The following MARCHF1 variants were observed in gnomAD, a reference collection of about 807,000 sequenced individuals.
MARCHF1 encodes membrane associated ring-CH-type finger 1, also known as E3 ubiquitin-protein ligase MARCHF1.
In MARCHF1, 40 loss-of-function variants were observed where a neutral mutation model predicts 54.2. That is an observed-to-expected ratio of 0.74 (90% CI 0.57 to 0.96). MARCHF1 has a LOEUF of 0.96. MARCHF1 is among the 40% of genes least tolerant of loss of function. The pLI is 0.00. For missense variants in MARCHF1, 586 were observed against 656.5 expected (o/e 0.89, Z 1.17); for synonymous variants, 236 against 236.3 (o/e 1.00, Z 0.01).
At chr4:163,898,480 G>A (rs1037219449) in intron 3 of MARCHF1, among the ~76,000 whole-genome samples, 6 of 152,110 alleles carry the variant, frequency 3.9e-5, no homozygotes, top group East Asian at 3.8e-4. Context: ...AAACCACAAC[G>A]AGATGTTATC....
At chr4:163,938,030 C>T (rs1291589165) in intron 3 of MARCHF1, among the ~76,000 whole-genome samples, 1 of 152,002 alleles carries the variant, frequency 6.6e-6, no homozygotes, top group Non-Finnish European at 1.5e-5. Flanking sequence ...TTTTTAAAAA[C>T]AGGAGATGAT....
intron 3 of MARCHF1, among the ~76,000 whole-genome samples, chr4:163,982,404 C>T (rs1752781223): frequency 6.6e-6 from 1 of 152,194 alleles, no homozygotes; most frequent in East Asian, 1.9e-4. Context: ...GCAGGCTATT[C>T]AAAAATTAAT....
chr4:163,681,141 A>C (rs906602640), intron 5 of MARCHF1, among the ~76,000 whole-genome samples: 2 of 152,206 alleles, frequency 1.3e-5, no homozygotes, highest in Non-Finnish European at 2.9e-5. Flanking sequence ...CAGTATCTCC[A>C]TATTTTAAAG....
At chr4:164,161,183 T>A (rs904581752) in intron 1 of MARCHF1, among the ~76,000 whole-genome samples, 1 of 152,112 alleles carries the variant, frequency 6.6e-6, no homozygotes, top group African/African-American at 2.4e-5. Context: ...TCACCCTTGG[T>A]TCTGTCCTCG....
chr4:164,330,117 TTC>T (rs1358537681), intron 1 of MARCHF1: 1 of 151,764 alleles, frequency 6.6e-6, no homozygotes, highest in Admixed American at 6.6e-5. Context: ...GCCAAGGGCA[TTC>T]TCGCCTTCTG....
intron 1 of MARCHF1, among the ~76,000 whole-genome samples, chr4:164,202,774 G>A (rs532224443): frequency 7.2e-5 from 11 of 152,142 alleles, no homozygotes; most frequent in African/African-American, 2.4e-4. Context: ...ATTTGCTTAC[G>A]CCATTTCATA....
At chr4:163,619,039 C>T (rs940244613) in intron 5 of MARCHF1, among the ~76,000 whole-genome samples, 3 of 152,018 alleles carry the variant, frequency 2.0e-5, no homozygotes, top group African/African-American at 4.8e-5. Flanking sequence ...AGAGAGAAGA[C>T]GTCTTGGTAT....
chr4:164,106,533 G>A (rs1283302292), intron 2 of MARCHF1, among the ~76,000 whole-genome samples: 16 of 135,542 alleles, frequency 1.2e-4, no homozygotes, highest in South Asian at 7.2e-4. Context: ...ACCAAACACC[G>A]CATATTCTCA....
At chr4:163,929,474 T>C (rs1317032680) in intron 3 of MARCHF1, among the ~76,000 whole-genome samples, 1 of 152,046 alleles carries the variant, frequency 6.6e-6, no homozygotes, top group Admixed American at 6.6e-5. Context: ...TCTGATGCCA[T>C]AGTGATCAGA....
intron 5 of MARCHF1, among the ~76,000 whole-genome samples, chr4:163,655,450 T>C (rs1743103222): frequency 6.6e-6 from 1 of 151,754 alleles, no homozygotes; most frequent in Non-Finnish European, 1.5e-5. Context: ...TCCCACACAA[T>C]AATAGTGGGA....
chr4:163,818,223 A>G (rs1385942712), intron 4 of MARCHF1, among the ~76,000 whole-genome samples: 1 of 152,114 alleles, frequency 6.6e-6, no homozygotes, highest in Admixed American at 6.5e-5. Context: ...ATATTTCCTT[A>G]TTAAGCATGT....
At chr4:163,852,816 T>A (rs576414408) in intron 4 of MARCHF1, among the ~76,000 whole-genome samples, 11 of 152,282 alleles carry the variant, frequency 7.2e-5, no homozygotes, top group African/African-American at 2.6e-4. Flanking sequence ...AATATTTGTA[T>A]CCTCCCAAAA....
intron 1 of MARCHF1, among the ~76,000 whole-genome samples, chr4:164,132,485 A>G (rs892090897): frequency 1.3e-5 from 2 of 152,198 alleles, no homozygotes; most frequent in African/African-American, 2.4e-5. Flanking sequence ...CATTACCTCA[A>G]AAAGTAAAAA....
At chr4:163,532,520 A>G (rs959285104) in intron 9 of MARCHF1, among the ~76,000 whole-genome samples, 1 of 151,980 alleles carries the variant, frequency 6.6e-6, no homozygotes, top group Non-Finnish European at 1.5e-5. Flanking sequence ...AGTATGATCT[A>G]TGAAAAGAAA....
intron 1 of MARCHF1, among the ~76,000 whole-genome samples, chr4:164,375,805 C>T (rs1237015771): frequency 1.3e-5 from 2 of 152,122 alleles, no homozygotes; most frequent in African/African-American, 4.8e-5. Flanking sequence ...TTCAAACTTC[C>T]CCCAACAGTA....
intron 3 of MARCHF1, among the ~76,000 whole-genome samples, chr4:163,941,934 A>G (rs1751920797): frequency 6.6e-6 from 1 of 152,144 alleles, no homozygotes; most frequent in Non-Finnish European, 1.5e-5. Context: ...ACTTCTTTCC[A>G]TATTTTGTTT....
chr4:163,772,264 C>T (rs1747183362), intron 4 of MARCHF1, among the ~76,000 whole-genome samples: 1 of 152,062 alleles, frequency 6.6e-6, no homozygotes. Context: ...AGGCTGAAGA[C>T]AGGGAATAAT....
intron 2 of MARCHF1, among the ~76,000 whole-genome samples, chr4:164,014,299 C>A (rs1753491346): frequency 1.3e-5 from 2 of 151,936 alleles, no homozygotes; most frequent in South Asian, 4.2e-4. Flanking sequence ...GCTTTTTTCC[C>A]TTTCTTTGTA....
chr4:163,711,859 GCTAT>G (rs916483343), intron 4 of MARCHF1, among the ~76,000 whole-genome samples: 20 of 152,084 alleles, frequency 1.3e-4, no homozygotes, highest in African/African-American at 4.3e-4. Flanking sequence ...ATTTGGAAAT[GCTAT>G]CTGTTTCTTT....
Sources: gnomAD v4.1 joint callset for allele counts (sites outside exome capture counted in the v4.1 genomes callset) on GRCh38, gnomAD v4.1.1 for gene constraint, MANE v1.5 for transcripts, NCBI Gene and HGNC (gene_info 2026-07-23, HGNC 2026-07-21) for gene names.